HDAC9: variants seen among roughly 807,000 people sequenced by gnomAD.
The protein encoded by HDAC9 is histone deacetylase 9.
In HDAC9, 41 loss-of-function variants were observed where a neutral mutation model predicts 139.4. The ratio of observed to expected loss-of-function variants is 0.29; its 90% CI spans 0.23 to 0.38. The LOEUF (loss-of-function observed/expected upper bound fraction) is 0.38. HDAC9 is among the 10% of genes least tolerant of loss of function. The pLI, the probability that HDAC9 is intolerant of heterozygous loss-of-function variation, is 1.00. For synonymous variants in HDAC9, 517 were observed against 476.2 expected (o/e 1.09, Z -1.12); for missense variants, 1,147 against 1,297.0 (o/e 0.88, Z 1.78).
At chr7:18,594,682 T>C (rs955119505) in intron 6 of HDAC9, among the ~76,000 whole-genome samples, 2 of 152,082 alleles carry the variant, frequency 1.3e-5, no homozygotes, top group East Asian at 3.8e-4. Context: ...TCATCTCCTT[T>C]CTGAGCATTC....
chr7:18,993,076 C>T (rs1786122453), intron 25 of HDAC9, among the ~76,000 whole-genome samples: 1 of 149,856 alleles, frequency 6.7e-6, no homozygotes, highest in Non-Finnish European at 1.5e-5. Context: ...AAAGGGTCAT[C>T]ACTCACCAGA....
At chr7:18,398,037 C>G (rs1787211515) in intron 1 of HDAC9, among the ~76,000 whole-genome samples, 2 of 152,098 alleles carry the variant, frequency 1.3e-5, no homozygotes, top group African/African-American at 4.8e-5. Flanking sequence ...GAGATTTGTC[C>G]AAGGTTTAAA....
At chr7:18,217,821 TA>T (rs763261020) in intron 2 of HDAC9, among the ~76,000 whole-genome samples, 2 of 152,216 alleles carry the variant, frequency 1.3e-5, no homozygotes, top group African/African-American at 2.4e-5. Flanking sequence ...TTTAACAACT[TA>T]AAATGACAAA....
At chr7:18,281,311 A>G (rs1418141010) in intron 2 of HDAC9, among the ~76,000 whole-genome samples, 1 of 152,228 alleles carries the variant, frequency 6.6e-6, no homozygotes, top group African/African-American at 2.4e-5. Flanking sequence ...TTATATTCAT[A>G]TATTTTCTCA....
intron 2 of HDAC9, among the ~76,000 whole-genome samples, chr7:18,244,380 C>T (rs1337946490): frequency 6.6e-6 from 1 of 152,190 alleles, no homozygotes; most frequent in Non-Finnish European, 1.5e-5. Context: ...GATTTCCATT[C>T]ATCTCATTTT....
chr7:18,955,335 A>C (rs1346357710), intron 24 of HDAC9, among the ~76,000 whole-genome samples: 1 of 152,104 alleles, frequency 6.6e-6, no homozygotes, highest in Non-Finnish European at 1.5e-5. Context: ...AGGGTCTATT[A>C]CATGTCATTC....
intron 2 of HDAC9, among the ~76,000 whole-genome samples, chr7:18,171,858 T>G (rs1788476515): frequency 6.6e-6 from 1 of 152,246 alleles, no homozygotes; most frequent in South Asian, 2.1e-4. Context: ...CAGTATTTTG[T>G]TGAGGACTTT....
chr7:18,357,753 C>T (rs922603777), intron 1 of HDAC9, among the ~76,000 whole-genome samples: 1 of 152,000 alleles, frequency 6.6e-6, no homozygotes, highest in Non-Finnish European at 1.5e-5. Context: ...TATGAGAAGG[C>T]CCTGAGTCAG....
chr7:18,614,469 A>G (rs964761574), intron 6 of HDAC9, among the ~76,000 whole-genome samples: 2 of 151,634 alleles, frequency 1.3e-5, no homozygotes, highest in Non-Finnish European at 2.9e-5. Context: ...ACTTTTTCTC[A>G]TTTTTAAAGT....
chr7:18,517,864 G>A (rs1413476482), intron 2 of HDAC9: 6 of 152,152 alleles, frequency 3.9e-5, no homozygotes, highest in African/African-American at 7.2e-5. Context: ...AGAAACTCCT[G>A]ACTATACTTC....
At chr7:18,696,140 A>G (rs896706474) in intron 12 of HDAC9, among the ~76,000 whole-genome samples, 11 of 151,918 alleles carry the variant, frequency 7.2e-5, no homozygotes, top group Non-Finnish European at 7.4e-5. Flanking sequence ...TGCCAATCAG[A>G]TAGTGATCAC....
intron 1 of HDAC9, among the ~76,000 whole-genome samples, chr7:18,103,237 C>T (rs561237177): frequency 2.6e-5 from 4 of 152,134 alleles, no homozygotes; most frequent in Non-Finnish European, 5.9e-5. Context: ...CCACCTGGCT[C>T]CATCCTTAAC....
intron 1 of HDAC9, among the ~76,000 whole-genome samples, chr7:18,443,375 C>A (rs911218372): frequency 6.6e-6 from 1 of 152,146 alleles, no homozygotes; most frequent in African/African-American, 2.4e-5. Context: ...GGTAAGTAGT[C>A]TCACCTCTCT....
At position 18,477,109 on chromosome 7, in the gene HDAC9, C is replaced by T. The variant is rs542646026; in HGVS notation, c.-41-19153C>T. Among the ~76,000 whole-genome samples the T allele has an allele frequency of 1.1e-4, 17 of 152,298 alleles. No individual in the cohort carries two copies. The South Asian group carries it at 3.5e-3, about 32-fold the overall frequency. On this transcript the variant is annotated intron_variant, in intron 1 of 3. Transcript: ENST00000413509. ...TGACAATGTTCACCTTGACAATGTT[C>T]ACCTTTGTGCTCTGCATTTTCTCTG...
rs368593259 is a variant in HDAC9, at chr7:18,483,750, A to T, written c.-41-12512A>T. ...ATTTATCTCAAATTTTCTAAAACTGATGCTACATTGGCAATTCTGTTAAAG... is the reference window on the plus strand; with the variant it reads ...ATTTATCTCAAATTTTCTAAAACTGTTGCTACATTGGCAATTCTGTTAAAG... On this transcript the variant is annotated intron_variant, in intron 1 of 3. Coordinates refer to the HDAC9 transcript ENST00000413509. Among the ~76,000 whole-genome samples, 4 of 152,286 alleles carry T rather than the reference A, an allele frequency of 2.6e-5. No individual in the cohort carries two copies. In the East Asian group the frequency reaches 7.7e-4, roughly 29 times the overall value.
Position 18,415,332 on chromosome 7 carries a change from A to G in HDAC9, c.-41-80930A>G, listed in dbSNP as rs543930819. Among the ~76,000 whole-genome samples, 5 of 152,264 alleles carry G rather than the reference A, an allele frequency of 3.3e-5. No individual in the cohort carries two copies. In the East Asian group the frequency reaches 5.8e-4, roughly 18 times the overall value. ...ACTGCGCTAGTTTTAAAAATACTGA[A>G]ATATTTCCACATTGGCTAATTGGTA... On this transcript the variant is annotated intron_variant, in intron 1 of 3. Transcript: ENST00000413509.
chr7:18,188,220 A>T (rs979626775), intron 2 of HDAC9, among the ~76,000 whole-genome samples: 12 of 152,200 alleles, frequency 7.9e-5, no homozygotes, highest in African/African-American at 2.9e-4. Flanking sequence ...CTGATCTTTG[A>T]CAAAACTGAC....
At chr7:18,892,370 C>A (rs1800760542) in intron 22 of HDAC9, among the ~76,000 whole-genome samples, 2 of 152,046 alleles carry the variant, frequency 1.3e-5, no homozygotes, top group Admixed American at 1.3e-4. Flanking sequence ...TCAACATGAT[C>A]CTCATTTTAT....
intron 22 of HDAC9, among the ~76,000 whole-genome samples, chr7:18,906,616 T>G (rs529770359): frequency 1.3e-5 from 2 of 152,188 alleles, no homozygotes; most frequent in African/African-American, 2.4e-5. Context: ...GATTACAGGA[T>G]GCAACAGTGG....
Sources: gnomAD v4.1 joint callset for allele counts (sites outside exome capture counted in the v4.1 genomes callset) on GRCh38, gnomAD v4.1.1 for gene constraint, MANE v1.5 for transcripts, NCBI Gene and HGNC (gene_info 2026-07-23, HGNC 2026-07-21) for gene names.